The following CPM variants were observed in gnomAD, a reference collection of about 807,000 sequenced individuals.
CPM encodes renal carboxypeptidase.
In CPM, 35 loss-of-function variants were observed where a neutral mutation model predicts 46.4. That is an observed-to-expected ratio of 0.75 (90% CI 0.58 to 1.00). The LOEUF (loss-of-function observed/expected upper bound fraction) is 1.00, where lower values mean the gene tolerates loss of function less well. Ranked by LOEUF, CPM falls within the 50% of genes least tolerant of loss-of-function variation. The probability of loss-of-function intolerance (pLI) is 0.00; values close to 1 mark genes in which losing one functional copy is unlikely to be tolerated. For missense variants in CPM, 422 were observed against 530.4 expected, an observed-to-expected ratio of 0.80 and a Z score of 2.01; for synonymous variants, 195 against 195.3, an observed-to-expected ratio of 1.00 and a Z score of 0.01.
At chr12:68,858,733 GTTTT>G (rs59714966) in intron 8 of CPM, among the ~76,000 whole-genome samples, 186 bp downstream of exon 8, 52 of 96,832 alleles carry the variant, frequency 5.4e-4, no homozygotes, top group Non-Finnish European at 9.7e-4. Flanking sequence ...AATTTTTGTG[GTTTT>G]TTTTTTTTTC....
At chr12:68,863,370 C>G (rs1948281520) in intron 7 of CPM, among the ~76,000 whole-genome samples, 1 of 152,150 alleles carries the variant, frequency 6.6e-6, no homozygotes, top group Non-Finnish European at 1.5e-5. Context: ...CCGGGACAAG[C>G]AAGACATTTT....
At chr12:68,925,900 A>C (rs1888237899) in intron 2 of CPM, among the ~76,000 whole-genome samples, 1 of 152,088 alleles carries the variant, frequency 6.6e-6, no homozygotes, top group South Asian at 2.1e-4. Flanking sequence ...GGTGAAATTA[A>C]TTTTTATTTA....
chr12:68,911,696 G>T (rs1887600806), intron 2 of CPM, among the ~76,000 whole-genome samples: 1 of 152,170 alleles, frequency 6.6e-6, no homozygotes, highest in Non-Finnish European at 1.5e-5. Context: ...GCACTTATGT[G>T]CCAATCATAT....
chr12:68,956,233 G>T (rs1889016265), intron 1 of CPM, among the ~76,000 whole-genome samples: 1 of 152,236 alleles, frequency 6.6e-6, no homozygotes, highest in African/African-American at 2.4e-5. Flanking sequence ...ATCGGAGCAG[G>T]TGCCAGGAGC....
At chr12:68,864,937 G>A (rs887673398) in intron 7 of CPM, among the ~76,000 whole-genome samples, 2 of 152,218 alleles carry the variant, frequency 1.3e-5, no homozygotes, top group Non-Finnish European at 2.9e-5. Flanking sequence ...GATCACTTGA[G>A]CCCAGGAGTT....
intron 1 of CPM, among the ~76,000 whole-genome samples, chr12:68,955,370 C>T (rs1448935738): frequency 6.6e-6 from 1 of 152,316 alleles, no homozygotes; most frequent in African/African-American, 2.4e-5. Context: ...TCAATGGAAG[C>T]TTAGAAATGC....
chr12:68,906,793 C>T (rs568886832), intron 2 of CPM, among the ~76,000 whole-genome samples: 5 of 152,326 alleles, frequency 3.3e-5, no homozygotes, highest in African/African-American at 7.2e-5. Context: ...ACTAAACACA[C>T]ATTTGTGTAG....
chr12:68,860,384 A>T (rs1431523937), intron 7 of CPM, among the ~76,000 whole-genome samples: 1 of 152,164 alleles, frequency 6.6e-6, no homozygotes, highest in Admixed American at 6.5e-5. Context: ...CCCAATCATA[A>T]ATTGGTAATA....
intron 4 of CPM, among the ~76,000 whole-genome samples, 165 bp from the exon 5 acceptor site, chr12:68,870,564 C>A (rs2136231182): frequency 6.6e-6 from 1 of 152,344 alleles, no homozygotes; most frequent in Non-Finnish European, 1.5e-5. Context: ...CTGGCACTTA[C>A]ATCCCATGGC....
chr12:68,843,803 A>T (rs1884023015), intron 5 of CPM: 1 of 221,142 alleles, frequency 4.5e-6, no homozygotes. Flanking sequence ...TACTTCAGCT[A>T]CAACCAAGCA....
At chr12:68,906,046 G>A (rs1887332622) in intron 2 of CPM, among the ~76,000 whole-genome samples, 1 of 152,122 alleles carries the variant, frequency 6.6e-6, no homozygotes, top group South Asian at 2.1e-4. Flanking sequence ...TGGTGGTTTC[G>A]CTTCAAGATG....
chr12:68,939,084 A>G (rs916976979), intron 1 of CPM, among the ~76,000 whole-genome samples: 3 of 146,586 alleles, frequency 2.0e-5, no homozygotes, highest in Non-Finnish European at 4.5e-5. Context: ...ATATATGTAT[A>G]CACATATGTA....
chr12:68,924,801 A>C (rs1888190858), intron 2 of CPM, among the ~76,000 whole-genome samples: 1 of 152,216 alleles, frequency 6.6e-6, no homozygotes, highest in Admixed American at 6.5e-5. Context: ...GTGTTGTGCC[A>C]AAATTTTATA....
At chr12:68,894,782 C>T (rs570819357) in intron 2 of CPM, among the ~76,000 whole-genome samples, 2 of 152,078 alleles carry the variant, frequency 1.3e-5, no homozygotes, top group South Asian at 4.1e-4. Context: ...TGCCTGTAAT[C>T]CCAGCACTTT....
intron 2 of CPM, among the ~76,000 whole-genome samples, chr12:68,893,520 G>T (rs536555055): frequency 6.6e-6 from 1 of 152,154 alleles, no homozygotes; most frequent in Admixed American, 6.5e-5. Context: ...GTGTCCCAGG[G>T]GTCTTGTGCT....
chr12:68,862,711 T>C lies in CPM; in HGVS notation c.941-3640A>G, dbSNP rs1280360699. Among the ~76,000 whole-genome samples, 4 of 149,610 alleles carry C rather than the reference T, an allele frequency of 2.7e-5. 1 individual carries two copies. The highest frequency in any genetic ancestry group is 6.0e-5 in the Non-Finnish European group (4 of 67,150). On this transcript the variant is annotated intron_variant, in intron 7 of 8. Transcript: ENST00000551568. ...AGCTTGTATATGTCTTTACAATATT[T>C]TGTCTACATACCACCAAACCTTTTA... is the stretch of plus-strand genomic sequence containing the variant.
At chr12:68,937,844 G>C (rs574114446), upstream of CPM, among the ~76,000 whole-genome samples, 1 of 152,142 alleles carries the variant, frequency 6.6e-6, no homozygotes, top group Non-Finnish European at 1.5e-5. Context: ...AACAATGAAG[G>C]CATTTTAATT....
intron 2 of CPM, among the ~76,000 whole-genome samples, chr12:68,886,364 G>A (rs1886428353): frequency 6.6e-6 from 1 of 151,718 alleles, no homozygotes; most frequent in South Asian, 2.1e-4. Context: ...CAGGCACGGT[G>A]GCTCACGCCT....
At chr12:68,955,148 C>T (rs889215577) in intron 1 of CPM, among the ~76,000 whole-genome samples, 7 of 152,192 alleles carry the variant, frequency 4.6e-5, no homozygotes, top group Non-Finnish European at 8.8e-5. Context: ...GTGGGCAGAA[C>T]GAGCCCAGGA....
Sources: allele counts gnomAD v4.1 joint callset (sites outside exome capture counted in the v4.1 genomes callset), GRCh38; gene constraint gnomAD v4.1.1; transcripts MANE v1.5; gene names NCBI Gene and HGNC (gene_info 2026-07-23, HGNC 2026-07-21).